The following HSP90AA1 variants were observed in gnomAD, a reference collection of about 807,000 sequenced individuals.
HSP90AA1 encodes heat shock protein HSP 90-alpha.
A neutral mutation model predicts 73.3 loss-of-function variants in HSP90AA1; 18 were observed. The ratio of observed to expected loss-of-function variants is 0.25; its 90% confidence interval spans 0.17 to 0.36. The LOEUF (loss-of-function observed/expected upper bound fraction) is 0.36, where lower values mean the gene tolerates loss of function less well. Ranked by LOEUF, HSP90AA1 falls within the 10% of genes least tolerant of loss-of-function variation. HSP90AA1 has a pLI of 1.00. For synonymous variants in HSP90AA1, 477 were observed against 296.9 expected (o/e 1.61, Z -6.24); for missense variants, 704 against 874.2 (o/e 0.81, Z 2.45).
rs2049258322 is a variant in HSP90AA1, at chr14:102,086,988, T to TGGCTAAGTGACCGCACAGGACCAAC, written c.-28_-4dup. On this transcript the variant is annotated 5_prime_UTR_variant, in exon 1 of 11. Transcript: ENST00000216281. ...AGGCCCCCACAACCACCCGTCACCT[T>TGGCTAAGTGACCGCACAGGACCAAC]GGCTAAGTGACCGCACAGGACCAAC... 1 of 984,880 alleles carries TGGCTAAGTGACCGCACAGGACCAAC rather than the reference T, an allele frequency of 1.0e-6. No homozygotes were observed. The highest frequency in any genetic ancestry group is 1.8e-5 in the African/African-American group (1 of 56,988). The allele number at this position is 984,880 out of a possible 1,614,324, so 61.0% of individuals were successfully genotyped here.
intron 1 of HSP90AA1, among the ~76,000 whole-genome samples, chr14:102,136,715 C>G (rs1371705521): frequency 6.7e-6 from 1 of 149,432 alleles, no homozygotes; most frequent in Non-Finnish European, 1.5e-5. Flanking sequence ...TGGTTAAAAT[C>G]TGTCTCTACT....
At chr14:102,095,560 C>T (rs2049413639) in intron 2 of HSP90AA1, among the ~76,000 whole-genome samples, 1 of 152,162 alleles carries the variant, frequency 6.6e-6, no homozygotes, top group African/African-American at 2.4e-5. Context: ...AGGGACAGGC[C>T]AGAAACATAC....
chr14:102,092,125 GTC>G (rs1398006654), intron 2 of HSP90AA1, among the ~76,000 whole-genome samples: 1 of 150,716 alleles, frequency 6.6e-6, no homozygotes, highest in Non-Finnish European at 1.5e-5. Context: ...GGAGTGCAGT[GTC>G]GCGTGCTCTT....
intron 1 of HSP90AA1, among the ~76,000 whole-genome samples, chr14:102,111,742 C>T (rs2049645067): frequency 1.3e-5 from 2 of 152,194 alleles, no homozygotes; most frequent in African/African-American, 4.8e-5. Context: ...CTCTTACATT[C>T]AATAAATTTT....
In HSP90AA1 at chr14:102,113,707, T is replaced by C. The variant is rs559681765; in HGVS notation, c.156-11622A>G. On this transcript the variant is annotated intron_variant, in intron 1 of 11. Coordinates refer to the HSP90AA1 transcript ENST00000334701. ...CTCATTTATTTTATTTTTTTATTTT[T>C]ATTTATTTATTTGTTTATTTTGAGA... is the stretch of plus-strand genomic sequence containing the variant. 2.4e-4 allele frequency among the ~76,000 whole-genome samples: 37 copies of C among 151,582 alleles called. No individual in the cohort carries two copies. In the South Asian group the frequency reaches 5.0e-3, roughly 21 times the overall value.
chr14:102,099,908 T>C (rs1215217348), intron 2 of HSP90AA1, among the ~76,000 whole-genome samples: 1 of 152,206 alleles, frequency 6.6e-6, no homozygotes, highest in Non-Finnish European at 1.5e-5. Context: ...TAATGTAGGC[T>C]GGGCATGGTG....
chr14:102,121,881 A>T (rs2049782292), intron 1 of HSP90AA1, among the ~76,000 whole-genome samples: 1 of 152,000 alleles, frequency 6.6e-6, no homozygotes, highest in African/African-American at 2.4e-5. Flanking sequence ...ATTATTAAGG[A>T]TGTTAATCCC....
chr14:102,084,589 T>G, intron 5 of HSP90AA1, 25 bp from the exon 6 acceptor site: 1 of 1,614,192 alleles, frequency 6.2e-7, no homozygotes, highest in East Asian at 2.2e-5. Flanking sequence ...ATACACTAAG[T>G]ACCAATGAAC....
chr14:102,134,291 C>G (rs532568615), intron 1 of HSP90AA1, among the ~76,000 whole-genome samples: 9 of 123,556 alleles, frequency 7.3e-5, no homozygotes, highest in Non-Finnish European at 1.3e-4. Flanking sequence ...AGCCACTACT[C>G]AAACCTGGGC....
rs1314195209 is a variant in HSP90AA1, at chr14:102,139,650, A to T, written c.-246T>A. Reference sequence around the variant, plus strand: ...GACCCCACTAGCTGAAGCCGGCATCACCTGGGAAGCAGCCATGCCGCCCGG... The same window carrying T: ...GACCCCACTAGCTGAAGCCGGCATCTCCTGGGAAGCAGCCATGCCGCCCGG... On this transcript the variant is annotated 5_prime_UTR_variant, in exon 1 of 12. Transcript: ENST00000334701. 6 of 644,752 alleles carry T rather than the reference A, an allele frequency of 9.3e-6. No homozygotes were observed. In the East Asian group the frequency reaches 1.7e-4, roughly 18 times the overall value. 39.9% of individuals were successfully genotyped at this position (644,752 alleles called of 1,614,324 possible). A position where few individuals can be genotyped will look rare whatever the true frequency, so the allele number is the denominator to read the frequency against.
At chr14:102,088,729 A>C (rs969438817), upstream of HSP90AA1, among the ~76,000 whole-genome samples, 3 of 151,922 alleles carry the variant, frequency 2.0e-5, 1 homozygote, top group Admixed American at 2.0e-4. Context: ...GAAGGGGCGC[A>C]AGGTCTTCCC....
chr14:102,082,510 A>T, intron 9 of HSP90AA1, 66 bp from the exon 10 acceptor site: 7 of 1,313,936 alleles, frequency 5.3e-6, no homozygotes, highest in Non-Finnish European at 5.4e-6. Flanking sequence ...TTGTGAAATG[A>T]AATCTGTAGA....
chr14:102,134,286 C>A (rs2049949788), intron 1 of HSP90AA1, among the ~76,000 whole-genome samples: 1 of 129,794 alleles, frequency 7.7e-6, no homozygotes. Flanking sequence ...CATGGAGCCA[C>A]TACTCAAACC....
At chr14:102,113,718 T>C (rs1384830828) in intron 1 of HSP90AA1, among the ~76,000 whole-genome samples, 4 of 151,852 alleles carry the variant, frequency 2.6e-5, no homozygotes. Flanking sequence ...ATTTATTTAT[T>C]TGTTTATTTT....
intron 2 of HSP90AA1, among the ~76,000 whole-genome samples, chr14:102,099,339 A>T (rs2049464482): frequency 6.6e-6 from 1 of 152,106 alleles, no homozygotes; most frequent in Non-Finnish European, 1.5e-5. Flanking sequence ...CATGCAGATC[A>T]CCTGAGGTCA....
In HSP90AA1 at chr14:102,080,748, G is replaced by A. The variant is rs139925232; in HGVS notation, c.*964C>T. 348 of 209,110 alleles carry A rather than the reference G, an allele frequency of 1.7e-3. 2 individuals are homozygous for A. The highest frequency in any genetic ancestry group is 7.5e-3 in the African/African-American group (330 of 44,090). The allele number at this position is 209,110 out of a possible 1,614,324, so 13.0% of individuals were successfully genotyped here. A position where few individuals can be genotyped will look rare whatever the true frequency, so the allele number is the denominator to read the frequency against. On this transcript the variant is annotated 3_prime_UTR_variant, in exon 11 of 11. Transcript: ENST00000216281. ...AACTTTGAGACACTGTAAGGCCAAG[G>A]AATTAAGTGACTGTATTTAACACAG...
At chr14:102,086,630 C>T (rs2049245334) in intron 1 of HSP90AA1, among the ~76,000 whole-genome samples, 1 of 151,488 alleles carries the variant, frequency 6.6e-6, no homozygotes, top group Non-Finnish European at 1.5e-5. Flanking sequence ...CCAACGAACA[C>T]CCCGGGTGCC....
At chr14:102,082,786 A>AT (rs927864696) in intron 9 of HSP90AA1, 2 of 513,090 alleles carry the variant, frequency 3.9e-6, no homozygotes, top group Admixed American at 3.3e-5. Flanking sequence ...CGCCTGGTTT[A>AT]TTTTTTTCTA....
exon 1 of HSP90AA1, chr14:102,139,491 G>A: frequency 7.2e-7 from 1 of 1,379,852 alleles, no homozygotes; most frequent in South Asian, 1.4e-5. Context: ...TGGGGTCCCG[G>A]CGCCCCTCAG....
Sources: allele counts gnomAD v4.1 joint callset (sites outside exome capture counted in the v4.1 genomes callset), GRCh38; gene constraint gnomAD v4.1.1; transcripts MANE v1.5; gene names NCBI Gene and HGNC (gene_info 2026-07-23, HGNC 2026-07-21).